The following SLIT3 variants were observed in gnomAD, a reference collection of about 807,000 sequenced individuals.
The protein encoded by SLIT3 is slit guidance ligand 3.
Under a neutral mutation model 184.0 loss-of-function variants are expected in SLIT3, and 68 were observed. That is an observed-to-expected ratio of 0.37 (90% CI 0.30 to 0.45). The LOEUF is 0.45. Ranked by LOEUF, SLIT3 falls within the 20% of genes least tolerant of loss-of-function variation. The pLI, the probability that SLIT3 is intolerant of heterozygous loss-of-function variation, is 1.00. For missense variants in SLIT3, 1,707 were observed against 2,026.0 expected (o/e 0.84, Z 3.02); for synonymous variants, 831 against 828.6 (o/e 1.00, Z -0.05).
intron 4 of SLIT3, chr5:169,036,488 A>G (rs1170638485): frequency 2.6e-5 from 4 of 152,228 alleles, no homozygotes; most frequent in Admixed American, 6.5e-5. Flanking sequence ...TTCAAGCTCA[A>G]TATAAAGCAG....
chr5:168,872,461 G>A (rs1561979644), intron 5 of SLIT3, among the ~76,000 whole-genome samples: 1 of 152,114 alleles, frequency 6.6e-6, no homozygotes, highest in Non-Finnish European at 1.5e-5. Context: ...CTAAAGCAAG[G>A]TGTTAATAGC....
chr5:169,099,985 G>A (rs1393241002), intron 4 of SLIT3, among the ~76,000 whole-genome samples: 1 of 152,210 alleles, frequency 6.6e-6, no homozygotes, highest in African/African-American at 2.4e-5. Context: ...CTTTCCTGGG[G>A]AGCAGATGTC....
At chr5:168,850,391 CCT>C (rs777307359) in intron 5 of SLIT3, among the ~76,000 whole-genome samples, 5 of 148,052 alleles carry the variant, frequency 3.4e-5, no homozygotes, top group Non-Finnish European at 6.1e-5. Flanking sequence ...CACAAAGACC[CCT>C]GTCTATAAAA....
intron 3 of SLIT3, among the ~76,000 whole-genome samples, chr5:169,229,233 T>G (rs993864716): frequency 6.6e-6 from 1 of 151,928 alleles, no homozygotes; most frequent in African/African-American, 2.4e-5. Flanking sequence ...TTCCAAATTC[T>G]ACCAAAAAAA....
At chr5:168,667,643 C>T (rs1761098878) in intron 35 of SLIT3, 1 of 152,248 alleles carries the variant, frequency 6.6e-6, no homozygotes, top group Admixed American at 6.5e-5. Flanking sequence ...AGCCATGACC[C>T]TTGACCCTTG....
At chr5:169,214,613 A>G (rs1459308057) in intron 3 of SLIT3, among the ~76,000 whole-genome samples, 1 of 152,174 alleles carries the variant, frequency 6.6e-6, no homozygotes, top group East Asian at 1.9e-4. Context: ...TAACACCAGT[A>G]TACTGAACCT....
At chr5:169,278,215 A>AG (rs1459860714) in intron 1 of SLIT3, among the ~76,000 whole-genome samples, 2 of 152,182 alleles carry the variant, frequency 1.3e-5, no homozygotes, top group Non-Finnish European at 2.9e-5. Flanking sequence ...GATCACAAAT[A>AG]GGGGGCTTTC....
chr5:169,231,355 C>A (rs796995571), intron 3 of SLIT3, among the ~76,000 whole-genome samples: 1 of 152,154 alleles, frequency 6.6e-6, no homozygotes, highest in South Asian at 2.1e-4. Flanking sequence ...TCCCTTAGTG[C>A]CCCTCTCCAT....
At chr5:169,293,799 T>C (rs1479896953) in intron 1 of SLIT3, among the ~76,000 whole-genome samples, 1 of 152,160 alleles carries the variant, frequency 6.6e-6, no homozygotes, top group Non-Finnish European at 1.5e-5. Context: ...TCAAACATGG[T>C]ACTGACAACA....
intron 5 of SLIT3, among the ~76,000 whole-genome samples, chr5:168,856,800 TGTGTGTGC>T (rs1235393381): frequency 1.2e-4 from 17 of 141,538 alleles, no homozygotes; most frequent in South Asian, 4.5e-4. Flanking sequence ...TGTGTGTGTG[TGTGTGTGC>T]GCGCGCGCGC....
At chr5:168,884,114 T>C (rs1760072493) in intron 4 of SLIT3, among the ~76,000 whole-genome samples, 1 of 151,972 alleles carries the variant, frequency 6.6e-6, no homozygotes, top group African/African-American at 2.4e-5. Flanking sequence ...TTTTTTTTTT[T>C]TGGTTTGTTT....
chr5:169,269,029 C>G (rs1455408803), intron 1 of SLIT3, among the ~76,000 whole-genome samples: 4 of 152,196 alleles, frequency 2.6e-5, no homozygotes, highest in African/African-American at 9.6e-5. Context: ...CACACATCTT[C>G]AAAGTATTAT....
At chr5:168,721,589 G>A (rs1431299899) in intron 23 of SLIT3, among the ~76,000 whole-genome samples, 2 of 152,220 alleles carry the variant, frequency 1.3e-5, no homozygotes, top group Non-Finnish European at 2.9e-5. Context: ...GGGCAGGGCT[G>A]CTCAGCCATG....
intron 4 of SLIT3, among the ~76,000 whole-genome samples, chr5:168,902,268 C>G (rs186994811): frequency 1.3e-5 from 2 of 152,288 alleles, no homozygotes; most frequent in Admixed American, 1.3e-4. Context: ...ACACCGTATG[C>G]CAGGCACAGT....
intron 4 of SLIT3, among the ~76,000 whole-genome samples, chr5:169,156,867 G>C (rs1762324736): frequency 6.6e-6 from 1 of 152,240 alleles, no homozygotes; most frequent in Non-Finnish European, 1.5e-5. Flanking sequence ...CAGGAGAGCA[G>C]AAGGCAGGCT....
chr5:168,795,467 T>C (rs775013637), intron 10 of SLIT3, 40 bp downstream of exon 10: 1 of 1,510,360 alleles, frequency 6.6e-7, no homozygotes, highest in Non-Finnish European at 9.2e-7. Context: ...CCCTGGAAAT[T>C]GAAAACATTT....
intron 4 of SLIT3, among the ~76,000 whole-genome samples, chr5:169,160,207 A>C (rs1288739815): frequency 6.6e-6 from 1 of 152,236 alleles, no homozygotes; most frequent in Admixed American, 6.5e-5. Flanking sequence ...GTGCCATGCC[A>C]TTCAGAGAGA....
intron 4 of SLIT3, among the ~76,000 whole-genome samples, chr5:169,075,466 G>A (rs952845075): frequency 6.6e-5 from 10 of 152,114 alleles, no homozygotes; most frequent in Non-Finnish European, 1.2e-4. Context: ...AGCTGTATTC[G>A]AAAATATCGT....
intron 4 of SLIT3, among the ~76,000 whole-genome samples, chr5:168,912,097 A>G: frequency 6.6e-6 from 1 of 152,188 alleles, no homozygotes; most frequent in Non-Finnish European, 1.5e-5. Context: ...CTCAACATGA[A>G]GATGAGGACG....
Sources: gnomAD v4.1 joint callset for allele counts (sites outside exome capture counted in the v4.1 genomes callset) on GRCh38, gnomAD v4.1.1 for gene constraint, MANE v1.5 for transcripts, NCBI Gene and HGNC (gene_info 2026-07-23, HGNC 2026-07-21) for gene names.